RBFOX1: variants seen among roughly 807,000 people sequenced by gnomAD.
RBFOX1 encodes RNA binding fox-1 homolog 1.
In RBFOX1, 8 loss-of-function variants were observed where a neutral mutation model predicts 57.7. The ratio of observed to expected loss-of-function variants is 0.14; its 90% CI spans 0.08 to 0.25. RBFOX1 has a LOEUF of 0.25. RBFOX1 is among the 10% of genes least tolerant of loss of function. The probability of loss-of-function intolerance (pLI) is 1.00; values close to 1 mark genes in which losing one functional copy is unlikely to be tolerated. For missense variants in RBFOX1, 611 were observed against 548.5 expected (o/e 1.11, Z -1.14); for synonymous variants, 326 against 222.4 (o/e 1.47, Z -4.15).
At chr16:6,874,706 A>G (rs1466576530) in intron 3 of RBFOX1, among the ~76,000 whole-genome samples, 3 of 151,948 alleles carry the variant, frequency 2.0e-5, no homozygotes, top group Non-Finnish European at 4.4e-5. Context: ...ATTCTCGCTT[A>G]TAAGTGGGAG....
intron 3 of RBFOX1, among the ~76,000 whole-genome samples, chr16:6,893,772 T>C (rs1388520480): frequency 3.9e-5 from 6 of 152,218 alleles, no homozygotes; most frequent in Admixed American, 3.3e-4. Flanking sequence ...ATGTATCATC[T>C]GGTGAGAAGT....
chr16:5,516,587 G>A (rs1316372907), intron 2 of RBFOX1, among the ~76,000 whole-genome samples: 3 of 152,096 alleles, frequency 2.0e-5, no homozygotes, highest in Admixed American at 6.6e-5. Flanking sequence ...AATTATAGTA[G>A]GCCCTCAATA....
chr16:5,399,435 G>A (rs1403770427), intron 1 of RBFOX1, among the ~76,000 whole-genome samples: 1 of 152,158 alleles, frequency 6.6e-6, no homozygotes, highest in African/African-American at 2.4e-5. Flanking sequence ...GGAAAATAAA[G>A]GAGAAAGTAA....
intron 1 of RBFOX1, among the ~76,000 whole-genome samples, chr16:5,266,965 T>A (rs994202130): frequency 5.3e-5 from 8 of 151,984 alleles, no homozygotes; most frequent in African/African-American, 1.7e-4. Context: ...ATAATAGGAA[T>A]GATTTGTAGA....
chr16:6,926,174 G>A (rs2075548971), intron 3 of RBFOX1, among the ~76,000 whole-genome samples: 1 of 152,088 alleles, frequency 6.6e-6, no homozygotes, highest in South Asian at 2.1e-4. Context: ...GGGCATGGTG[G>A]TGTGCATCTG....
chr16:6,182,994 C>T (rs1598147779), intron 1 of RBFOX1, among the ~76,000 whole-genome samples: 1 of 152,228 alleles, frequency 6.6e-6, no homozygotes, highest in East Asian at 1.9e-4. Context: ...AATGTCAGAT[C>T]ATATACATTA....
At chr16:5,506,079 C>T (rs909898763) in intron 2 of RBFOX1, among the ~76,000 whole-genome samples, 1 of 152,124 alleles carries the variant, frequency 6.6e-6, no homozygotes, top group Non-Finnish European at 1.5e-5. Context: ...ATGAGGAGCC[C>T]TTCCCTTGCC....
chr16:7,078,761 C>T (rs1174471707), intron 4 of RBFOX1, among the ~76,000 whole-genome samples: 1 of 149,706 alleles, frequency 6.7e-6, no homozygotes, highest in African/African-American at 2.4e-5. Context: ...AGGCTCACTG[C>T]AACCTCCACT....
chr16:6,880,164 G>A (rs1169829949), intron 3 of RBFOX1, among the ~76,000 whole-genome samples: 1 of 152,008 alleles, frequency 6.6e-6, no homozygotes, highest in Non-Finnish European at 1.5e-5. Flanking sequence ...CTAATCATGG[G>A]ATATTCCACC....
At chr16:7,338,940 C>T (rs1300476246) in intron 4 of RBFOX1, among the ~76,000 whole-genome samples, 1 of 152,200 alleles carries the variant, frequency 6.6e-6, no homozygotes, top group Non-Finnish European at 1.5e-5. Context: ...AGCATGCACA[C>T]CTGATATAAA....
chr16:6,230,114 C>T (rs1490646666), intron 1 of RBFOX1, among the ~76,000 whole-genome samples: 1 of 152,036 alleles, frequency 6.6e-6, no homozygotes, highest in African/African-American at 2.4e-5. Context: ...CCATCTTCTT[C>T]TTAAAAGACT....
intron 1 of RBFOX1, among the ~76,000 whole-genome samples, chr16:6,119,862 C>T (rs184633755): frequency 3.9e-5 from 6 of 152,148 alleles, no homozygotes; most frequent in Non-Finnish European, 8.8e-5. Context: ...GTTATGCAAC[C>T]GCTACCTCTA....
At chr16:5,579,757 TTTC>T (rs1278097761) in intron 2 of RBFOX1, among the ~76,000 whole-genome samples, 2 of 144,130 alleles carry the variant, frequency 1.4e-5, no homozygotes, top group Admixed American at 1.3e-4. Context: ...CTTTTCTTTC[TTTC>T]TTTTTTTTTT....
chr16:7,199,648 C>G (rs1361135024), intron 4 of RBFOX1, among the ~76,000 whole-genome samples: 2 of 152,196 alleles, frequency 1.3e-5, no homozygotes, highest in African/African-American at 4.8e-5. Flanking sequence ...AATCCCAGCA[C>G]TTTGGCAGGC....
At chr16:5,667,972 G>T (rs1378753803) in intron 3 of RBFOX1, among the ~76,000 whole-genome samples, 1 of 151,942 alleles carries the variant, frequency 6.6e-6, no homozygotes, top group African/African-American at 2.4e-5. Context: ...GCCCTGGTTG[G>T]CTTCTTAATG....
chr16:6,095,908 C>T (rs1010744896), intron 1 of RBFOX1, among the ~76,000 whole-genome samples: 4 of 152,164 alleles, frequency 2.6e-5, no homozygotes, highest in South Asian at 2.1e-4. Flanking sequence ...CCCACAGGCT[C>T]CCAGTGGAGT....
intron 3 of RBFOX1, among the ~76,000 whole-genome samples, chr16:5,657,378 C>A (rs149519983): frequency 1.3e-5 from 2 of 152,282 alleles, no homozygotes; most frequent in African/African-American, 4.8e-5. Flanking sequence ...TATGGTTGAT[C>A]CTGCTGTTGC....
chr16:6,686,191 C>T (rs558752246), intron 3 of RBFOX1, among the ~76,000 whole-genome samples: 4 of 152,200 alleles, frequency 2.6e-5, no homozygotes, highest in African/African-American at 9.7e-5. Context: ...TGTAATCAGA[C>T]AGGTTTCCAC....
rs139444775 is a variant in RBFOX1, at chr16:6,988,464, C to G, written c.-15-63593C>G. On this transcript the variant is annotated intron_variant, in intron 3 of 15. Coordinates refer to ENST00000550418, the MANE Select transcript of RBFOX1 (RefSeq NM_018723.4). ...AGCTCATTGAGAGTTTTTAAAAAGTCGATTGCCTGTTGTGATAACATATTG... is the reference window on the plus strand; with the variant it reads ...AGCTCATTGAGAGTTTTTAAAAAGTGGATTGCCTGTTGTGATAACATATTG... 1.4e-3 allele frequency among the ~76,000 whole-genome samples: 215 copies of G among 152,116 alleles called. 2 individuals carry two copies. Among genetic ancestry groups the G allele is most frequent in the African/African-American group, 4.8e-3 (201 of 41,500 alleles).
Sources: allele counts gnomAD v4.1 joint callset (sites outside exome capture counted in the v4.1 genomes callset), GRCh38; gene constraint gnomAD v4.1.1; transcripts MANE v1.5; gene names NCBI Gene and HGNC (gene_info 2026-07-23, HGNC 2026-07-21).